Variants in FAM227B observed in about 807,000 individuals in gnomAD.
The protein encoded by FAM227B is protein FAM227B.
In FAM227B, 88 loss-of-function variants were observed where a neutral mutation model predicts 73.8. The ratio of observed to expected loss-of-function variants is 1.19; its 90% confidence interval spans 1.00 to 1.42. The LOEUF (loss-of-function observed/expected upper bound fraction) is 1.42, where lower values mean the gene tolerates loss of function less well. Among genes scored for constraint, FAM227B ranks in the 40% most tolerant of loss-of-function variants. The probability of loss-of-function intolerance (pLI) is 0.00; values close to 1 mark genes in which losing one functional copy is unlikely to be tolerated. For missense variants in FAM227B, 632 were observed against 590.9 expected (o/e 1.07, Z -0.72); for synonymous variants, 210 against 190.5 (o/e 1.10, Z -0.84).
intron 10 of FAM227B, among the ~76,000 whole-genome samples, chr15:49,522,667 C>G (rs1393754002): frequency 6.6e-6 from 1 of 151,774 alleles, no homozygotes; most frequent in African/African-American, 2.4e-5. Context: ...ATAGACTAGA[C>G]CAAGTAGAAG....
intron 13 of FAM227B, chr15:49,366,756 T>C (rs2151448413): frequency 1.3e-6 from 1 of 752,778 alleles, no homozygotes; most frequent in Non-Finnish European, 2.1e-6. Context: ...GTCCCGCCAC[T>C]GCGCTGCCTC....
At chr15:49,455,471 T>C (rs2053196267) in intron 11 of FAM227B, among the ~76,000 whole-genome samples, 1 of 152,184 alleles carries the variant, frequency 6.6e-6, no homozygotes, top group Non-Finnish European at 1.5e-5. Flanking sequence ...TAAGGCAATG[T>C]TAAAAATAAT....
At chr15:49,536,560 CA>C (rs1269290206) in intron 10 of FAM227B, among the ~76,000 whole-genome samples, 1 of 151,698 alleles carries the variant, frequency 6.6e-6, no homozygotes, top group Non-Finnish European at 1.5e-5. Flanking sequence ...ATAGAATAAA[CA>C]ATTCTAAAAT....
At position 49,575,115 on chromosome 15, in the gene FAM227B, G is replaced by GA. The variant is rs759985462; in HGVS notation, c.547-7dup. 13 of 1,496,176 alleles carry GA rather than the reference G, an allele frequency of 8.7e-6. No individual in the cohort carries two copies. Among genetic ancestry groups the GA allele is most frequent in the African/African-American group, 1.4e-5 (1 of 71,232 alleles). 92.7% of individuals were successfully genotyped at this position (1,496,176 alleles called of 1,614,324 possible). On this transcript the variant is annotated splice_polypyrimidine_tract_variant and splice_region_variant and intron_variant, in intron 7 of 15. Transcript: ENST00000299338. ...CAGATTTTAAAAACTCTTTCCTATG[G>GA]AAAAAAACAAGAGAGAGATGCATGG...
intron 15 of FAM227B, chr15:49,328,904 T>C (rs192926937): frequency 3.2e-6 from 4 of 1,232,246 alleles, no homozygotes; most frequent in African/African-American, 3.0e-5. Flanking sequence ...CATTACTTAA[T>C]AGAAAAACTT....
intron 3 of FAM227B, among the ~76,000 whole-genome samples, chr15:49,608,141 A>G (rs1489506296): frequency 6.6e-6 from 1 of 152,188 alleles, no homozygotes; most frequent in Non-Finnish European, 1.5e-5. Context: ...TCAAATCCCA[A>G]AAGAACAAAA....
intron 13 of FAM227B, among the ~76,000 whole-genome samples, chr15:49,338,080 ATT>A (rs2040068851): frequency 6.6e-6 from 1 of 152,108 alleles, no homozygotes; most frequent in Admixed American, 6.5e-5. Flanking sequence ...GAATTGCCAC[ATT>A]GTCTTCCATT....
Position 49,359,424 on chromosome 15 carries a change from C to T in FAM227B, c.1271+8024G>A, listed in dbSNP as rs1411491061. Among the ~76,000 whole-genome samples the T allele has an allele frequency of 1.3e-4, 15 of 119,260 alleles. 3 individuals are homozygous for T. Among genetic ancestry groups the T allele is most frequent in the African/African-American group, 2.3e-4 (7 of 30,892 alleles). The allele number at this position is 119,260 out of a possible 152,430, so 78.2% of individuals were successfully genotyped here. On this transcript the variant is annotated intron_variant, in intron 13 of 15. Transcript: ENST00000299338. ...ACAAACAACCCCATCAAATAGTGGG[C>T]GAAGGACATGAACAGACACTTCTCA...
chr15:49,497,652 A>C (rs774781890), intron 11 of FAM227B, among the ~76,000 whole-genome samples: 1 of 152,220 alleles, frequency 6.6e-6, no homozygotes, highest in Non-Finnish European at 1.5e-5. Context: ...CTTCTTTCTT[A>C]AGTAGATTTC....
intron 11 of FAM227B, among the ~76,000 whole-genome samples, chr15:49,411,905 A>G (rs2048896152): frequency 2.0e-5 from 3 of 152,114 alleles, no homozygotes; most frequent in Admixed American, 2.0e-4. Flanking sequence ...TTTTAGAGAG[A>G]AAGCAATTTT....
Position 49,366,555 on chromosome 15 carries a change from G to A in FAM227B, c.1271+893C>T, listed in dbSNP as rs1357811332. 4 of 1,589,382 alleles carry A rather than the reference G, an allele frequency of 2.5e-6. No individual in the cohort carries two copies. In the African/African-American group the frequency reaches 5.4e-5, roughly 21 times the overall value. On this transcript the variant is annotated intron_variant, in intron 13 of 15. Transcript: ENST00000299338. Reference sequence around the variant, plus strand: ...AGAGCTGACCAATGGGGGTTATAAAGCATGCAGTAGTCCTTGGATGTGCCA... The same window carrying A: ...AGAGCTGACCAATGGGGGTTATAAAACATGCAGTAGTCCTTGGATGTGCCA...
chr15:49,329,245 C>G (rs1466936518), intron 15 of FAM227B: 15 of 985,304 alleles, frequency 1.5e-5, no homozygotes, highest in Non-Finnish European at 1.8e-5. Flanking sequence ...GTATGTATAT[C>G]AAGAGTGGGC....
chr15:49,397,490 A>C (rs1306495435), intron 11 of FAM227B, among the ~76,000 whole-genome samples: 5 of 151,986 alleles, frequency 3.3e-5, no homozygotes, highest in East Asian at 1.9e-4. Flanking sequence ...TTCAGGAAAT[A>C]CAGAGAACAC....
chr15:49,610,515 T>C (rs1334025800), intron 3 of FAM227B, among the ~76,000 whole-genome samples: 2 of 151,840 alleles, frequency 1.3e-5, no homozygotes, highest in Non-Finnish European at 2.9e-5. Context: ...TTGTTAGCAG[T>C]TTAATCATAG....
chr15:49,586,915 T>C (rs1046675280), intron 5 of FAM227B, among the ~76,000 whole-genome samples: 1 of 152,154 alleles, frequency 6.6e-6, no homozygotes, highest in South Asian at 2.1e-4. Flanking sequence ...GGAATGCTTA[T>C]AATACACAGC....
intron 7 of FAM227B, among the ~76,000 whole-genome samples, chr15:49,575,429 T>C (rs1042437932): frequency 2.0e-5 from 3 of 152,080 alleles, no homozygotes; most frequent in Non-Finnish European, 4.4e-5. Flanking sequence ...GTATATATTT[T>C]TGATAGCATA....
chr15:49,569,438 T>C (rs1277703080), intron 8 of FAM227B, among the ~76,000 whole-genome samples: 1 of 151,952 alleles, frequency 6.6e-6, no homozygotes, highest in Non-Finnish European at 1.5e-5. Flanking sequence ...TCCGGTTACT[T>C]AATGTGTGAG....
At chr15:49,561,668 T>TCCCACTA (rs1454566437) in intron 9 of FAM227B, among the ~76,000 whole-genome samples, 1 of 152,090 alleles carries the variant, frequency 6.6e-6, no homozygotes, top group African/African-American at 2.4e-5. Flanking sequence ...CACAGTGGAA[T>TCCCACTA]AACAACACAA....
In FAM227B at chr15:49,613,009, G is replaced by T. The variant is rs1014659833; in HGVS notation, c.52-1741C>A. Reference sequence around the variant, plus strand: ...ATGATGGTTGCCAGAGGCCGAGAAGGGTAGTGGGAAGTGAGGGGAAAGTGG... The same window carrying T: ...ATGATGGTTGCCAGAGGCCGAGAAGTGTAGTGGGAAGTGAGGGGAAAGTGG... On this transcript the variant is annotated intron_variant, in intron 2 of 15. Transcript: ENST00000299338. Among the ~76,000 whole-genome samples, 4 of 151,992 alleles carry T rather than the reference G, an allele frequency of 2.6e-5. No individual in the cohort carries two copies. The East Asian group carries it at 7.7e-4, about 29-fold the overall frequency.
Sources: allele counts gnomAD v4.1 joint callset (sites outside exome capture counted in the v4.1 genomes callset), GRCh38; gene constraint gnomAD v4.1.1; transcripts MANE v1.5; gene names NCBI Gene and HGNC (gene_info 2026-07-23, HGNC 2026-07-21).